Variants in MYLK4 observed in about 807,000 individuals in gnomAD.
MYLK4 encodes the protein myosin light chain kinase family member 4.
MYLK4 carries 46 observed loss-of-function variants against 48.1 expected under a neutral mutation model. The ratio of observed to expected loss-of-function variants is 0.96; its 90% confidence interval spans 0.75 to 1.22. The LOEUF is 1.22. Among genes scored for constraint, MYLK4 ranks in the 50% most tolerant of loss-of-function variants. MYLK4 has a pLI of 0.00. For synonymous variants in MYLK4, 170 were observed against 180.8 expected (o/e 0.94, Z 0.48); for missense variants, 451 against 486.1 (o/e 0.93, Z 0.68).
chr6:2,671,275 C>T lies in MYLK4; in HGVS notation c.*25+1G>A, dbSNP rs375901611. 5 of 1,610,694 alleles carry T rather than the reference C, an allele frequency of 3.1e-6. No individual in the cohort carries two copies. The African/African-American group carries it at 5.3e-5, about 17-fold the overall frequency. ...ACCTCTTCAGGAGACCCAAGACTAACCTTCCAAATGGCTGCCTCCTGTAGA... is the reference window on the plus strand; with the variant it reads ...ACCTCTTCAGGAGACCCAAGACTAATCTTCCAAATGGCTGCCTCCTGTAGA... On this transcript the variant is annotated splice_donor_variant, in intron 12 of 12. Coordinates refer to ENST00000274643, the MANE Select transcript of MYLK4 (RefSeq NM_001012418.5). LOFTEE classifies it low-confidence loss of function (3UTR_SPLICE).
At chr6:2,670,539 T>C (rs1760845322) in intron 12 of MYLK4, among the ~76,000 whole-genome samples, 1 of 152,202 alleles carries the variant, frequency 6.6e-6, no homozygotes, top group African/African-American at 2.4e-5. Context: ...ACATGAATGT[T>C]GGGTTTTCTT....
intron 2 of MYLK4, among the ~76,000 whole-genome samples, chr6:2,710,342 T>G (rs185943633): frequency 6.6e-6 from 1 of 152,106 alleles, no homozygotes; most frequent in African/African-American, 2.4e-5. Context: ...TATTAGAAAT[T>G]TACAGCCCCC....
the MYLK4 span, among the ~76,000 whole-genome samples, chr6:2,769,955 T>TC: frequency 6.6e-6 from 1 of 152,124 alleles, no homozygotes; most frequent in African/African-American, 2.4e-5. Flanking sequence ...AGAGTTGTAC[T>TC]CCCCCAAATA....
At chr6:2,731,905 A>T (rs1042736099) in intron 2 of MYLK4, among the ~76,000 whole-genome samples, 6 of 152,230 alleles carry the variant, frequency 3.9e-5, no homozygotes, top group African/African-American at 1.4e-4. Flanking sequence ...GTAGGTGACC[A>T]TGGCATCATT....
the MYLK4 span, chr6:2,765,722 T>G: frequency 6.5e-7 from 1 of 1,541,306 alleles, no homozygotes; most frequent in South Asian, 1.2e-5. Flanking sequence ...GCACATCAAC[T>G]CGCACCTGGA....
chr6:2,692,484 T>A (rs1761840849), intron 3 of MYLK4, among the ~76,000 whole-genome samples: 1 of 152,148 alleles, frequency 6.6e-6, no homozygotes, highest in Admixed American at 6.5e-5. Flanking sequence ...GTGATCAGTA[T>A]AATTTTGGCT....
chr6:2,750,511 C>T (rs9405584), intron 1 of MYLK4, among the ~76,000 whole-genome samples: 99,789 of 152,074 alleles, frequency 0.66, 33,184 homozygotes, highest in Non-Finnish European at 0.71. Context: ...AGGCAAACTA[C>T]GACTAAAATA....
At chr6:2,765,730 G>T in the MYLK4 span, 1 of 1,532,302 alleles carries the variant, frequency 6.5e-7, no homozygotes, top group East Asian at 2.7e-5. Flanking sequence ...ACTCGCACCT[G>T]GACCGCTGTC....
At chr6:2,715,454 T>C (rs1762834222) in intron 2 of MYLK4, among the ~76,000 whole-genome samples, 1 of 152,184 alleles carries the variant, frequency 6.6e-6, no homozygotes, top group South Asian at 2.1e-4. Context: ...GCCAATTTCA[T>C]CTATGTTGCT....
chr6:2,754,258 A>C (rs1764368277), upstream of MYLK4, among the ~76,000 whole-genome samples: 1 of 152,222 alleles, frequency 6.6e-6, no homozygotes, highest in Non-Finnish European at 1.5e-5. Flanking sequence ...ATAGCCAAAA[A>C]CTGAAAACAA....
At chr6:2,725,620 AAAG>A (rs905440380) in intron 2 of MYLK4, among the ~76,000 whole-genome samples, 1 of 148,008 alleles carries the variant, frequency 6.8e-6, no homozygotes, top group African/African-American at 2.5e-5. Context: ...ACAAACAAAC[AAAG>A]AAGGAAAGAA....
chr6:2,689,190 C>T (rs760823069), intron 3 of MYLK4, among the ~76,000 whole-genome samples: 15 of 152,230 alleles, frequency 9.9e-5, no homozygotes, highest in Admixed American at 2.6e-4. Context: ...CAATGGTTGT[C>T]CATACCATCT....
chr6:2,749,191 T>C lies in MYLK4; in HGVS notation c.104A>G (p.Lys35Arg). The change falls in exon 2 of 13, where the codon AAG becomes AGG. Residue 35 changes from lysine to arginine, a missense_variant. Lys to Arg is a conservative substitution (Grantham distance 26, BLOSUM62 2). Coordinates refer to ENST00000274643, the MANE Select transcript of MYLK4 (RefSeq NM_001012418.5). ...CCCAGAATTTTTTTCCAGAAAACACTTCACTTTCTCCACCTCTTCCCTGCA... is the reference window on the plus strand; with the variant it reads ...CCCAGAATTTTTTTCCAGAAAACACCTCACTTTCTCCACCTCTTCCCTGCA... ...FQCREEVEKVKCFLEKNSGDQ... is the reference protein window; with the variant it reads ...FQCREEVEKVRCFLEKNSGDQ... 1 of 1,614,088 alleles carries C rather than the reference T, an allele frequency of 6.2e-7. No individual in the cohort carries two copies. The highest frequency in any genetic ancestry group is 8.5e-7 in the Non-Finnish European group (1 of 1,179,978).
At chr6:2,697,889 G>A (rs999602514) in intron 2 of MYLK4, among the ~76,000 whole-genome samples, 1 of 152,184 alleles carries the variant, frequency 6.6e-6, no homozygotes, top group African/African-American at 2.4e-5. Flanking sequence ...GAAGCAATGC[G>A]TGATGAAGAA....
chr6:2,746,511 T>A (rs1347922759), intron 2 of MYLK4, among the ~76,000 whole-genome samples: 1 of 152,214 alleles, frequency 6.6e-6, no homozygotes, highest in South Asian at 2.1e-4. Context: ...TATAAGTTGT[T>A]AAATCTATAT....
chr6:2,746,283 A>G (rs1764092702), intron 2 of MYLK4, among the ~76,000 whole-genome samples: 2 of 151,894 alleles, frequency 1.3e-5, no homozygotes, highest in Non-Finnish European at 2.9e-5. Context: ...AGAAAAAAAG[A>G]AAAAAAGAAA....
rs921384333 is a variant in MYLK4 at position 2,673,117 on chromosome 6, A to G, written c.1120-1769T>C. Among the ~76,000 whole-genome samples the G allele has an allele frequency of 6.6e-6, 1 of 152,200 alleles. No individual in the cohort carries two copies. Among genetic ancestry groups the G allele is most frequent in the Non-Finnish European group, 1.5e-5 (1 of 68,024 alleles). Reference sequence around the variant, plus strand: ...TTATATGGTTTAAAAAATATTCTTAAACACTTTTTAAACTGTACAATGTCA... The same window carrying G: ...TTATATGGTTTAAAAAATATTCTTAGACACTTTTTAAACTGTACAATGTCA... On this transcript the variant is annotated intron_variant, in intron 11 of 12. Coordinates refer to ENST00000274643, the MANE Select transcript of MYLK4 (RefSeq NM_001012418.5). This position sits in a 1 kb window ranked among gnomAD's most constrained non-coding sequence, Gnocchi z 4.2.
At chr6:2,768,694 A>T in the MYLK4 span, 1 of 1,604,130 alleles carries the variant, frequency 6.2e-7, no homozygotes, top group Admixed American at 1.7e-5. Flanking sequence ...TTTCTAGACC[A>T]CTCTGGCTCA....
At chr6:2,670,838 C>T (rs1026745219) in intron 12 of MYLK4, among the ~76,000 whole-genome samples, 9 of 152,044 alleles carry the variant, frequency 5.9e-5, no homozygotes, top group African/African-American at 7.2e-5. Flanking sequence ...GCTGCATGGC[C>T]GTGGGGGTGT....
Sources: gnomAD v4.1 joint callset for allele counts (sites outside exome capture counted in the v4.1 genomes callset) on GRCh38, gnomAD v4.1.1 for gene constraint, Gnocchi (gnomAD v3.1) non-coding constraint, MANE v1.5 for transcripts, NCBI Gene and HGNC (gene_info 2026-07-23, HGNC 2026-07-21) for gene names.